Variants in NDUFA10 observed in about 807,000 individuals in gnomAD.
The protein encoded by NDUFA10 is NADH dehydrogenase [ubiquinone] 1 alpha subcomplex subunit 10, mitochondrial.
In NDUFA10, 40 loss-of-function variants were observed where a neutral mutation model predicts 47.8. The ratio of observed to expected loss-of-function variants is 0.84; its 90% confidence interval spans 0.65 to 1.09. The LOEUF is 1.09. Ranked by LOEUF, NDUFA10 falls within the 50% of genes least tolerant of loss-of-function variation. NDUFA10 has a pLI of 0.00. For missense variants in NDUFA10, 413 were observed against 451.1 expected (o/e 0.92, Z 0.76); for synonymous variants, 183 against 172.2 (o/e 1.06, Z -0.49).
chr2:240,002,782 A>C (rs1188624767), intron 8 of NDUFA10, among the ~76,000 whole-genome samples: 2 of 152,110 alleles, frequency 1.3e-5, no homozygotes, highest in Non-Finnish European at 2.9e-5. Context: ...TAACAAACTA[A>C]GTAGAATGAC....
At chr2:239,908,361 C>T (rs1363232260) in intron 4 of NDUFA10, among the ~76,000 whole-genome samples, 1 of 152,178 alleles carries the variant, frequency 6.6e-6, no homozygotes, top group East Asian at 1.9e-4. Flanking sequence ...CAAACCTGCA[C>T]ATTGTGCACA....
rs530934358 is a variant in NDUFA10, at chr2:239,986,096, A to G, written c.999+3978T>C. Among the ~76,000 whole-genome samples, 5 of 152,358 alleles carry G rather than the reference A, an allele frequency of 3.3e-5. No homozygotes were observed. In the South Asian group the frequency reaches 1.0e-3, roughly 32 times the overall value. ...AAATCTCTTTTAAAAAGAAGGGGAAAAAACCTGCCAGAGAAATAAGAAATA... is the reference window on the plus strand; with the variant it reads ...AAATCTCTTTTAAAAAGAAGGGGAAGAAACCTGCCAGAGAAATAAGAAATA... On this transcript the variant is annotated intron_variant, in intron 9 of 9. Coordinates refer to ENST00000252711, the MANE Select transcript of NDUFA10 (RefSeq NM_004544.4).
chr2:239,902,569 T>C (rs529014512), intron 4 of NDUFA10, among the ~76,000 whole-genome samples: 22 of 152,368 alleles, frequency 1.4e-4, no homozygotes, highest in African/African-American at 5.3e-4. Flanking sequence ...TTCACTTTGT[T>C]GCAGTGGTCT....
intron 4 of NDUFA10, among the ~76,000 whole-genome samples, chr2:239,932,081 T>A (rs926361427): frequency 3.3e-5 from 5 of 151,840 alleles, no homozygotes; most frequent in Non-Finnish European, 7.4e-5. Context: ...TGATCCACCC[T>A]CTTCGGCCTC....
intron 9 of NDUFA10, among the ~76,000 whole-genome samples, chr2:239,966,843 GATTT>G (rs1695084977): frequency 7.0e-6 from 1 of 143,692 alleles, no homozygotes; most frequent in African/African-American, 2.6e-5. Context: ...CATGTGCAAG[GATTT>G]CTTTTTTTTT....
At chr2:239,962,596 G>A (rs1022364546) in intron 9 of NDUFA10, among the ~76,000 whole-genome samples, 1 of 152,194 alleles carries the variant, frequency 6.6e-6, no homozygotes, top group South Asian at 2.1e-4. Context: ...GGAAGTGGAG[G>A]GGCCGGTGCT....
chr2:239,931,833 T>TTA (rs1161234011), intron 4 of NDUFA10, among the ~76,000 whole-genome samples: 1 of 132,840 alleles, frequency 7.5e-6, no homozygotes, highest in Non-Finnish European at 1.6e-5. Context: ...CACCTCTGCT[T>TTA]TTTTTTTTTT....
chr2:239,996,596 C>T (rs1696489825), intron 8 of NDUFA10, among the ~76,000 whole-genome samples: 1 of 152,198 alleles, frequency 6.6e-6, no homozygotes, highest in African/African-American at 2.4e-5. Context: ...TTGTCCAGGG[C>T]TTCCTTCCCA....
Position 239,945,855 on chromosome 2 carries a change from G to A in NDUFA10, c.294+44219C>T, listed in dbSNP as rs1694443809. ...GCTTCAAGGGCCCACAGGGCTCCGGGACTGCAAGCCAGAAGCACCCTGTGT... is the reference window on the plus strand; with the variant it reads ...GCTTCAAGGGCCCACAGGGCTCCGGAACTGCAAGCCAGAAGCACCCTGTGT... On this transcript the variant is annotated intron_variant, in intron 4 of 5. Transcript: ENST00000419408. This position sits in a 1 kb window ranked among gnomAD's most constrained non-coding sequence, Gnocchi z 4.6. Among the ~76,000 whole-genome samples the A allele has an allele frequency of 1.3e-5, 2 of 152,140 alleles. No individual in the cohort carries two copies. The highest frequency in any genetic ancestry group is 1.3e-4 in the Admixed American group (2 of 15,282).
At chr2:240,009,983 T>A (rs187610297) in intron 6 of NDUFA10, among the ~76,000 whole-genome samples, 216 of 152,362 alleles carry the variant, frequency 1.4e-3, no homozygotes, top group Non-Finnish European at 2.2e-3. Flanking sequence ...CAACTCGTCA[T>A]AGGTTTCTTG....
At chr2:239,933,081 C>T (rs1302172169) in intron 4 of NDUFA10, among the ~76,000 whole-genome samples, 2 of 152,096 alleles carry the variant, frequency 1.3e-5, no homozygotes, top group Admixed American at 1.3e-4. Context: ...ATCTCAGCAC[C>T]TCCCAGCACA....
chr2:239,918,090 T>A (rs1693907762), intron 4 of NDUFA10, among the ~76,000 whole-genome samples: 1 of 152,142 alleles, frequency 6.6e-6, no homozygotes, highest in Non-Finnish European at 1.5e-5. Flanking sequence ...AGGGCCTCTG[T>A]CTCTGCTGCC....
At chr2:239,973,711 G>A in intron 9 of NDUFA10, 1 of 426,492 alleles carries the variant, frequency 2.3e-6, no homozygotes, top group Non-Finnish European at 4.8e-6. Context: ...AAGAAGGGCT[G>A]TACAGAAATA....
chr2:239,957,060 T>C (rs1694673203), downstream of NDUFA10, among the ~76,000 whole-genome samples: 1 of 152,192 alleles, frequency 6.6e-6, no homozygotes, highest in Non-Finnish European at 1.5e-5. Context: ...GGGGGTGCCC[T>C]GCAGCTCAGG....
At chr2:239,904,383 T>C (rs112893578) in intron 4 of NDUFA10, among the ~76,000 whole-genome samples, 128,934 of 152,128 alleles carry the variant, frequency 0.85, 54,914 homozygotes, top group East Asian at 0.97. Flanking sequence ...CTGCAACCTC[T>C]GCCTCCTGGG....
At chr2:239,938,768 T>C (rs1694311019) in intron 4 of NDUFA10, among the ~76,000 whole-genome samples, 1 of 152,164 alleles carries the variant, frequency 6.6e-6, no homozygotes, top group African/African-American at 2.4e-5. Flanking sequence ...GTGCAGATCC[T>C]GGCAGGAGTA....
chr2:239,976,719 TG>T (rs1287111140), intron 9 of NDUFA10: 1 of 152,150 alleles, frequency 6.6e-6, no homozygotes, highest in East Asian at 1.9e-4. Flanking sequence ...TTGAGTGTAC[TG>T]AAGAGTGACA....
intron 9 of NDUFA10, among the ~76,000 whole-genome samples, chr2:239,985,741 C>G (rs1293882532): frequency 1.3e-5 from 2 of 152,002 alleles, no homozygotes; most frequent in African/African-American, 4.8e-5. Flanking sequence ...GAAAACTTGT[C>G]TCTACTAAAA....
intron 4 of NDUFA10, among the ~76,000 whole-genome samples, chr2:239,922,397 G>A (rs1413664604): frequency 6.6e-6 from 1 of 152,184 alleles, no homozygotes; most frequent in Non-Finnish European, 1.5e-5. Context: ...GCAGGCCAAG[G>A]CATCAGGGAC....
Sources: gnomAD v4.1 joint callset for allele counts (sites outside exome capture counted in the v4.1 genomes callset) on GRCh38, gnomAD v4.1.1 for gene constraint, Gnocchi (gnomAD v3.1) non-coding constraint, MANE v1.5 for transcripts, NCBI Gene and HGNC (gene_info 2026-07-23, HGNC 2026-07-21) for gene names.